COL21A1: variants seen among roughly 807,000 people sequenced by gnomAD.
COL21A1 encodes collagen alpha-1(XXI) chain.
Under a neutral mutation model 137.9 loss-of-function variants are expected in COL21A1, and 149 were observed. The observed-to-expected ratio is 1.08, with a 90% confidence interval of 0.95 to 1.24. The LOEUF is 1.24. Ranked by LOEUF, COL21A1 falls within the 50% of genes most tolerant of loss-of-function variation. The pLI, the probability that COL21A1 is intolerant of heterozygous loss-of-function variation, is 0.00. For synonymous variants in COL21A1, 456 were observed against 391.5 expected (o/e 1.16, Z -1.95); for missense variants, 1,167 against 1,158.4 (o/e 1.01, Z -0.11).
intron 1 of COL21A1, among the ~76,000 whole-genome samples, chr6:56,193,752 GT>G (rs1474631931): frequency 6.7e-6 from 1 of 150,010 alleles, no homozygotes; most frequent in African/African-American, 2.5e-5. Flanking sequence ...ACAAAAGGAG[GT>G]TTTTTTGTTT....
At chr6:56,161,857 T>C (rs12204894) in intron 9 of COL21A1, among the ~76,000 whole-genome samples, 13,609 of 152,172 alleles carry the variant, frequency 0.089, 718 homozygotes, top group African/African-American at 0.14. Flanking sequence ...AAAATAACTA[T>C]CTTAGAATCA....
At chr6:56,295,237 G>A (rs7742185) in intron 1 of COL21A1, among the ~76,000 whole-genome samples, 2,056 of 151,796 alleles carry the variant, frequency 0.014, 21 homozygotes, top group Non-Finnish European at 0.021. Context: ...TTTGTCCTTC[G>A]TCAAAGATCA....
chr6:56,353,145 A>G (rs1765751757), intron 1 of COL21A1, among the ~76,000 whole-genome samples: 1 of 152,152 alleles, frequency 6.6e-6, no homozygotes, highest in Non-Finnish European at 1.5e-5. Flanking sequence ...GTGGAGTTCA[A>G]TTTTGCTCCC....
chr6:56,189,638 G>A (rs534612805), intron 1 of COL21A1, among the ~76,000 whole-genome samples: 3 of 152,040 alleles, frequency 2.0e-5, no homozygotes, highest in Non-Finnish European at 2.9e-5. Flanking sequence ...GATACTCCTC[G>A]AGAAGAGCAA....
intron 12 of COL21A1, among the ~76,000 whole-genome samples, chr6:56,136,466 A>C (rs1774012426): frequency 6.6e-6 from 1 of 152,192 alleles, no homozygotes; most frequent in East Asian, 1.9e-4. Context: ...GTCCTATCAG[A>C]GTTTACAAGT....
intron 1 of COL21A1, among the ~76,000 whole-genome samples, chr6:56,340,967 C>A (rs939841612): frequency 2.6e-5 from 4 of 152,156 alleles, no homozygotes; most frequent in African/African-American, 9.7e-5. Context: ...CTTATGCCTA[C>A]AGTACTAGGG....
intron 16 of COL21A1, among the ~76,000 whole-genome samples, chr6:56,121,317 A>G (rs1347641737): frequency 6.6e-6 from 1 of 151,900 alleles, no homozygotes; most frequent in African/African-American, 2.4e-5. Context: ...TTCCAACTAT[A>G]TGATATGCTG....
Position 56,209,182 on chromosome 6 carries a change from T to G in COL21A1, c.-38-26526A>C, listed in dbSNP as rs149865089. Among the ~76,000 whole-genome samples, 1,422 of 152,050 alleles carry G rather than the reference T, an allele frequency of 9.4e-3. 23 individuals carry two copies. The highest frequency in any genetic ancestry group is 0.031 in the African/African-American group (1,281 of 41,500). ...ACCTAAAACAATAAAAATCCTAGAA[T>G]AAAACCTTGGCAATACCATTCAGGA... On this transcript the variant is annotated intron_variant, in intron 1 of 29. Transcript: ENST00000244728.
At chr6:56,064,187 C>T (rs1766042142) in intron 24 of COL21A1, among the ~76,000 whole-genome samples, 1 of 152,052 alleles carries the variant, frequency 6.6e-6, no homozygotes, top group Non-Finnish European at 1.5e-5. Context: ...CATTTCTCCA[C>T]CACATGTGGC....
At chr6:56,160,648 A>G (rs1293185120) in intron 9 of COL21A1, among the ~76,000 whole-genome samples, 5 of 152,238 alleles carry the variant, frequency 3.3e-5, no homozygotes, top group African/African-American at 1.2e-4. Context: ...ATATGTACTC[A>G]GCTGAAAAGC....
chr6:56,381,275 C>T (rs146701044), intron 1 of COL21A1, among the ~76,000 whole-genome samples: 418 of 152,158 alleles, frequency 2.7e-3, no homozygotes, highest in Non-Finnish European at 4.3e-3. Flanking sequence ...CTATATGCCT[C>T]TGGTTGTTGT....
At chr6:56,241,942 A>G (rs2152325435) in intron 1 of COL21A1, among the ~76,000 whole-genome samples, 1 of 152,192 alleles carries the variant, frequency 6.6e-6, no homozygotes, top group East Asian at 1.9e-4. Flanking sequence ...CTATTAATAG[A>G]CTCTCTGAAA....
At chr6:56,236,150 A>G (rs1343469475) in intron 1 of COL21A1, among the ~76,000 whole-genome samples, 1 of 152,038 alleles carries the variant, frequency 6.6e-6, no homozygotes, top group Non-Finnish European at 1.5e-5. Flanking sequence ...GTGGAGATAT[A>G]AACACAAACC....
At chr6:56,069,174 ACT>A in intron 21 of COL21A1, 57 bp from the exon 22 acceptor site, 1 of 1,177,322 alleles carries the variant, frequency 8.5e-7, no homozygotes, top group East Asian at 2.6e-5. Flanking sequence ...GAAAAGCACC[ACT>A]GTTTTTATCT....
chr6:56,326,484 A>G (rs1189486948), intron 1 of COL21A1, among the ~76,000 whole-genome samples: 1 of 151,860 alleles, frequency 6.6e-6, no homozygotes, highest in Non-Finnish European at 1.5e-5. Flanking sequence ...TCTTACCTAA[A>G]ATTATCTTCT....
chr6:56,092,240 T>C (rs1768893450), intron 17 of COL21A1, among the ~76,000 whole-genome samples: 1 of 151,928 alleles, frequency 6.6e-6, no homozygotes, highest in African/African-American at 2.4e-5. Flanking sequence ...TGGGAGAACA[T>C]AAAATAAAGG....
chr6:56,332,590 C>T (rs974917708), intron 1 of COL21A1, among the ~76,000 whole-genome samples: 11 of 149,276 alleles, frequency 7.4e-5, no homozygotes, highest in African/African-American at 2.8e-4. Flanking sequence ...GCCCCCCCGC[C>T]CCCGCCAAAA....
intron 1 of COL21A1, among the ~76,000 whole-genome samples, chr6:56,261,911 T>C (rs183986528): frequency 6.6e-6 from 1 of 152,322 alleles, no homozygotes; most frequent in Admixed American, 6.5e-5. Flanking sequence ...ATATGGACCT[T>C]ACCTGCCTCA....
intron 17 of COL21A1, among the ~76,000 whole-genome samples, chr6:56,096,296 T>A (rs1562185095): frequency 6.6e-6 from 1 of 152,182 alleles, no homozygotes; most frequent in Non-Finnish European, 1.5e-5. Flanking sequence ...CTCATTTGAC[T>A]CCTTGATGGC....
Sources: allele counts gnomAD v4.1 joint callset (sites outside exome capture counted in the v4.1 genomes callset), GRCh38; gene constraint gnomAD v4.1.1; transcripts MANE v1.5; gene names NCBI Gene and HGNC (gene_info 2026-07-23, HGNC 2026-07-21).